ANO2: variants seen among roughly 807,000 people sequenced by gnomAD.
The protein encoded by ANO2 is anoctamin 2.
A neutral mutation model predicts 124.2 loss-of-function variants in ANO2; 101 were observed. The observed-to-expected ratio is 0.81, with a 90% CI of 0.69 to 0.96. The LOEUF (loss-of-function observed/expected upper bound fraction) is 0.96. ANO2 is among the 40% of genes least tolerant of loss of function. The probability of loss-of-function intolerance (pLI) is 0.00; values close to 1 mark genes in which losing one functional copy is unlikely to be tolerated. For missense variants in ANO2, 1,293 were observed against 1,274.5 expected (o/e 1.01, Z -0.22); for synonymous variants, 486 against 482.5 (o/e 1.01, Z -0.09).
intron 7 of ANO2, among the ~76,000 whole-genome samples, chr12:5,811,851 T>A (rs1160603047): frequency 1.3e-4 from 20 of 152,156 alleles, no homozygotes; most frequent in Admixed American, 1.3e-3. Flanking sequence ...TGGGCATTAA[T>A]CCATAATCTC....
intron 10 of ANO2, among the ~76,000 whole-genome samples, chr12:5,775,530 T>A (rs1356306315): frequency 6.6e-6 from 1 of 151,364 alleles, no homozygotes; most frequent in Non-Finnish European, 1.5e-5. Context: ...GGCGCGATCT[T>A]GGCTCACTGC....
intron 3 of ANO2, among the ~76,000 whole-genome samples, chr12:5,855,761 T>A (rs555590757): frequency 6.6e-6 from 1 of 152,204 alleles, no homozygotes; most frequent in African/African-American, 2.4e-5. Context: ...AAAATGTAAA[T>A]GATTTGCCCA....
At chr12:5,877,725 G>C (rs1016983151) in intron 3 of ANO2, among the ~76,000 whole-genome samples, 8 of 152,152 alleles carry the variant, frequency 5.3e-5, no homozygotes, top group Admixed American at 2.0e-4. Flanking sequence ...TTTTTGCATG[G>C]ACCTGGGGTG....
At chr12:5,877,061 AGC>A (rs1938154337) in intron 3 of ANO2, among the ~76,000 whole-genome samples, 1 of 152,222 alleles carries the variant, frequency 6.6e-6, no homozygotes, top group Non-Finnish European at 1.5e-5. Context: ...TGGGTTGAGT[AGC>A]GCCCTTACCC....
intron 1 of ANO2, among the ~76,000 whole-genome samples, chr12:5,942,257 G>C (rs554477734): frequency 1.8e-4 from 27 of 152,248 alleles, no homozygotes; most frequent in Non-Finnish European, 3.7e-4. Context: ...TTTTCAAATA[G>C]CATTTTTTAA....
chr12:5,861,140 A>G (rs1219596443), intron 3 of ANO2, among the ~76,000 whole-genome samples: 2 of 152,186 alleles, frequency 1.3e-5, no homozygotes, highest in Non-Finnish European at 2.9e-5. Context: ...CCAGTAACAA[A>G]GGAAGACCTG....
Position 5,641,981 on chromosome 12 carries a change from T to C in ANO2, c.1620+5746A>G, listed in dbSNP as rs544731287. Among the ~76,000 whole-genome samples the C allele has an allele frequency of 2.6e-5, 4 of 152,316 alleles. No homozygotes were observed. In the South Asian group the frequency reaches 6.2e-4, roughly 24 times the overall value. ...TGTTGAATGGTGGTCCAGTGATCTA[T>C]TTGTTGTTGATGATGATGATGATGA... On this transcript the variant is annotated intron_variant, in intron 15 of 24. Coordinates refer to ENST00000682330, the MANE Select transcript of ANO2 (RefSeq NM_001364791.2).
rs1003334435 is a variant in ANO2 at position 5,599,548 on chromosome 12, C to T, written c.2169G>A (p.Glu723=). The T allele has an allele frequency of 5.6e-6, 9 of 1,613,812 alleles. No homozygotes were observed. The highest frequency in any genetic ancestry group is 3.3e-5 in the Admixed American group (2 of 59,992). Reference sequence around the variant, plus strand: ...CCAAGCTGTAGTCTAGGTCCCACTGCTCTGGATGTTTCGAATGGGCAGAGT... The same window carrying T: ...CCAAGCTGTAGTCTAGGTCCCACTGTTCTGGATGTTTCGAATGGGCAGAGT... ...ETDSAHSKHP[E]QWDLDYSLEP... Residue 723 remains glutamate (E), a synonymous_variant, in exon 20 of 25, where the codon GAG becomes GAA. Coordinates refer to ENST00000682330, the MANE Select transcript of ANO2 (RefSeq NM_001364791.2).
At chr12:5,719,302 C>A (rs1950134025) in intron 14 of ANO2, among the ~76,000 whole-genome samples, 1 of 143,404 alleles carries the variant, frequency 7.0e-6, no homozygotes, top group South Asian at 2.3e-4. Context: ...AAGACACACA[C>A]ACTCACACAC....
At chr12:5,588,575 G>A (rs942898371) in intron 20 of ANO2, among the ~76,000 whole-genome samples, 5 of 152,188 alleles carry the variant, frequency 3.3e-5, no homozygotes, top group African/African-American at 1.2e-4. Flanking sequence ...CGCCCTGAAG[G>A]TCAGCTGGTC....
At chr12:5,939,213 C>A (rs7397569) in intron 1 of ANO2, among the ~76,000 whole-genome samples, 568 of 86,166 alleles carry the variant, frequency 6.6e-3, no homozygotes, top group Middle Eastern at 9.8e-3. Flanking sequence ...AAGACTCCAA[C>A]AAAAAAAAAA....
rs1369592436 is a variant in ANO2, at chr12:5,728,355, TG to T, written c.1545+4164del. ...AAAAATCAATTATATTTCTATATAC[TG>T]GCAGTGAACAGTCCAAAAATAAAAT... On this transcript the variant is annotated intron_variant, in intron 14 of 24. Coordinates refer to ENST00000682330, the MANE Select transcript of ANO2 (RefSeq NM_001364791.2). Among the ~76,000 whole-genome samples, 6 of 152,316 alleles carry T rather than the reference TG, an allele frequency of 3.9e-5. No homozygotes were observed. In the South Asian group the frequency reaches 1.2e-3, roughly 32 times the overall value.
chr12:5,592,516 G>A (rs552258609), intron 20 of ANO2, among the ~76,000 whole-genome samples: 94 of 152,202 alleles, frequency 6.2e-4, no homozygotes, highest in Non-Finnish European at 1.1e-3. Flanking sequence ...CAAAACAAGA[G>A]CCAGCTTGGG....
At chr12:5,848,503 G>A (rs1954759278) in intron 4 of ANO2, among the ~76,000 whole-genome samples, 1 of 152,202 alleles carries the variant, frequency 6.6e-6, no homozygotes, top group Non-Finnish European at 1.5e-5. Flanking sequence ...AGAGCCAATA[G>A]TGGAACTCAA....
chr12:5,927,910 CA>C (rs1942158774), intron 1 of ANO2, among the ~76,000 whole-genome samples: 1 of 152,116 alleles, frequency 6.6e-6, no homozygotes, highest in East Asian at 1.9e-4. Flanking sequence ...CCCTTCTGAA[CA>C]GGGGGGAGGG....
chr12:5,803,874 G>A (rs909181361), intron 9 of ANO2, among the ~76,000 whole-genome samples: 3 of 152,194 alleles, frequency 2.0e-5, no homozygotes, highest in Non-Finnish European at 2.9e-5. Context: ...ATTCTCTAGC[G>A]CCTCTTGGCT....
intron 14 of ANO2, among the ~76,000 whole-genome samples, chr12:5,712,275 G>A (rs1424379199): frequency 6.6e-6 from 1 of 151,228 alleles, no homozygotes; most frequent in Non-Finnish European, 1.5e-5. Flanking sequence ...CTGTGAATAC[G>A]ACCTGACTTG....
intron 21 of ANO2, 46 bp downstream of exon 21, chr12:5,578,320 A>T: frequency 6.3e-7 from 1 of 1,595,340 alleles, no homozygotes; most frequent in Non-Finnish European, 8.6e-7. Context: ...AGGGGACAGA[A>T]TGGCAGAAGG....
At chr12:5,603,171 C>A (rs1444621725) in intron 19 of ANO2, among the ~76,000 whole-genome samples, 1 of 152,122 alleles carries the variant, frequency 6.6e-6, no homozygotes, top group Non-Finnish European at 1.5e-5. Context: ...ATGAGCAGTT[C>A]TGGTTTGCCC....
Sources: gnomAD v4.1 joint callset for allele counts (sites outside exome capture counted in the v4.1 genomes callset) on GRCh38, gnomAD v4.1.1 for gene constraint, MANE v1.5 for transcripts, NCBI Gene and HGNC (gene_info 2026-07-23, HGNC 2026-07-21) for gene names.